CALCR: variants seen among roughly 807,000 people sequenced by gnomAD.
The protein encoded by CALCR is calcitonin receptor.
In CALCR, 47 loss-of-function variants were observed where a neutral mutation model predicts 59.5. The observed-to-expected ratio is 0.79, with a 90% confidence interval of 0.63 to 1.01. The LOEUF (loss-of-function observed/expected upper bound fraction) is 1.01. CALCR is among the 50% of genes least tolerant of loss of function. CALCR has a pLI of 0.00. For synonymous variants in CALCR, 213 were observed against 211.3 expected, an observed-to-expected ratio of 1.01 and a Z score of -0.07; for missense variants, 566 against 597.1, an observed-to-expected ratio of 0.95 and a Z score of 0.54.
intron 2 of CALCR, among the ~76,000 whole-genome samples, chr7:93,564,409 C>A (rs1789812666): frequency 6.6e-6 from 1 of 151,968 alleles, no homozygotes; most frequent in Non-Finnish European, 1.5e-5. Context: ...GGAATAAAGA[C>A]TCAAACACAT....
Position 93,426,182 on chromosome 7 carries a change from C to A in CALCR, c.*174G>T. ...GAGACTCCATTCCTAGACTGTCTCC[C>A]AAAGCAACAGTACCAAGAATAACTT... is the stretch of plus-strand genomic sequence containing the variant. On this transcript the variant is annotated 3_prime_UTR_variant, in exon 14 of 14. Coordinates refer to ENST00000426151, the MANE Select transcript of CALCR (RefSeq NM_001742.4). The A allele has an allele frequency of 1.8e-6, 1 of 563,298 alleles. No homozygotes were observed. Among genetic ancestry groups the A allele is most frequent in the Admixed American group, 3.1e-5 (1 of 31,746 alleles). The allele number at this position is 563,298 out of a possible 1,614,324, so 34.9% of individuals were successfully genotyped here. A position where few individuals can be genotyped will look rare whatever the true frequency, so the allele number is the denominator to read the frequency against.
At chr7:93,529,029 C>T (rs1243473308) in intron 2 of CALCR, among the ~76,000 whole-genome samples, 2 of 152,154 alleles carry the variant, frequency 1.3e-5, no homozygotes, top group Non-Finnish European at 2.9e-5. Flanking sequence ...ATATTGCATG[C>T]ATTCGTGCAT....
chr7:93,427,612 T>C (rs1236472020), intron 13 of CALCR, among the ~76,000 whole-genome samples: 1 of 152,202 alleles, frequency 6.6e-6, no homozygotes, highest in Non-Finnish European at 1.5e-5. Context: ...ATCATGTAAC[T>C]ACTTGATCAT....
rs10251727 is a variant in CALCR at position 93,468,883 on chromosome 7, A to C, written c.430-77T>G. On this transcript the variant is annotated intron_variant, in intron 6 of 13. Coordinates refer to ENST00000426151, the MANE Select transcript of CALCR (RefSeq NM_001742.4). The stretch of plus-strand genomic sequence containing the variant: ...GAGAAAATCATTTCTATTTCTAAAT[A>C]TATGTAAATCAACAAATGTTTTCCT... The C allele has an allele frequency of 0.014, 10,857 of 749,630 alleles. 928 individuals are homozygous for C. In the African/African-American group the frequency reaches 0.18, roughly 12 times the overall value. 46.4% of individuals were successfully genotyped at this position (749,630 alleles called of 1,614,324 possible). A position where few individuals can be genotyped will look rare whatever the true frequency, so the allele number is the denominator to read the frequency against.
chr7:93,534,198 T>C (rs1435757421), intron 2 of CALCR, among the ~76,000 whole-genome samples: 1 of 151,860 alleles, frequency 6.6e-6, no homozygotes, highest in Non-Finnish European at 1.5e-5. Context: ...CATAACAGTC[T>C]AATATTTACA....
intron 2 of CALCR, among the ~76,000 whole-genome samples, chr7:93,501,841 C>G (rs1336389187): frequency 6.6e-6 from 1 of 152,092 alleles, no homozygotes; most frequent in African/African-American, 2.4e-5. Context: ...ACAATAGCTT[C>G]TCCAACTGAC....
chr7:93,492,377 A>C (rs1055701753), intron 2 of CALCR, among the ~76,000 whole-genome samples: 1 of 151,432 alleles, frequency 6.6e-6, no homozygotes, highest in African/African-American at 2.4e-5. Flanking sequence ...AAAAGTATTT[A>C]CAGATTTTTC....
intron 8 of CALCR, among the ~76,000 whole-genome samples, chr7:93,454,184 A>C (rs192535083): frequency 1.5e-4 from 23 of 152,042 alleles, no homozygotes; most frequent in Non-Finnish European, 1.8e-4. Flanking sequence ...GCAGGAGTCC[A>C]GTTTCCACCC....
At chr7:93,429,865 AAC>A (rs1491064550) in intron 13 of CALCR, among the ~76,000 whole-genome samples, 1 of 151,686 alleles carries the variant, frequency 6.6e-6, no homozygotes, top group African/African-American at 2.4e-5. Context: ...AAAAAAAAAA[AAC>A]ACTTTAAATT....
intron 13 of CALCR, among the ~76,000 whole-genome samples, 178 bp downstream of exon 13, chr7:93,434,075 A>G (rs773000015): frequency 6.6e-5 from 10 of 152,240 alleles, no homozygotes; most frequent in Non-Finnish European, 1.0e-4. Context: ...CCATTGTACT[A>G]CACATCCATG....
At chr7:93,434,155 G>T in intron 13 of CALCR, 98 bp downstream of exon 13, 2 of 853,162 alleles carry the variant, frequency 2.3e-6, no homozygotes, top group Non-Finnish European at 4.1e-6. Context: ...GAGGTCAACT[G>T]TAGAAGTGAG....
In CALCR at chr7:93,472,451, CA is replaced by C; in HGVS notation, c.352del (p.Trp118GlyfsTer25). On this transcript the variant is annotated frameshift_variant, in exon 6 of 14. Coordinates refer to ENST00000426151, the MANE Select transcript of CALCR (RefSeq NM_001742.4). LOFTEE classifies it high-confidence loss of function. ...TCGATTGTTTTCAGGATGTTTAAAC[CA>C]AACACCTTTTTCATCACAGTATTTT... ...VTKYCDEKGV[W>X]FKHPENNRTW... 1.2e-6 allele frequency: 2 copies of C among 1,608,816 alleles called. No homozygotes were observed. Among genetic ancestry groups the C allele is most frequent in the Non-Finnish European group, 1.7e-6 (2 of 1,176,194 alleles).
intron 2 of CALCR, among the ~76,000 whole-genome samples, chr7:93,568,017 T>C (rs1046667000): frequency 6.6e-5 from 10 of 152,126 alleles, no homozygotes; most frequent in Non-Finnish European, 4.4e-5. Flanking sequence ...AATAAAGAGA[T>C]TAAGAAAATT....
intron 5 of CALCR, among the ~76,000 whole-genome samples, chr7:93,476,925 C>T (rs2188806): frequency 0.39 from 59,297 of 151,776 alleles, 12,465 homozygotes; most frequent in South Asian, 0.49. Flanking sequence ...CTGGCCTGCA[C>T]TGGTTTTAAA....
chr7:93,443,829 T>A (rs536171395), intron 8 of CALCR, 72 bp from the exon 9 acceptor site: 28 of 1,382,280 alleles, frequency 2.0e-5, no homozygotes, highest in Non-Finnish European at 2.4e-5. Context: ...AGAGCAAATG[T>A]GAAAACAAGC....
At chr7:93,527,702 T>C (rs1473182050) in intron 2 of CALCR, among the ~76,000 whole-genome samples, 1 of 152,154 alleles carries the variant, frequency 6.6e-6, no homozygotes, top group Non-Finnish European at 1.5e-5. Flanking sequence ...GCATATAAGC[T>C]TCTAAGACAA....
At chr7:93,446,389 T>A (rs1004929460) in intron 8 of CALCR, among the ~76,000 whole-genome samples, 73 of 152,030 alleles carry the variant, frequency 4.8e-4, no homozygotes, top group Non-Finnish European at 1.0e-4. Flanking sequence ...CACCTGATAA[T>A]TTTTTAAGAA....
intron 2 of CALCR, among the ~76,000 whole-genome samples, chr7:93,540,822 G>A (rs2116178944): frequency 6.7e-6 from 1 of 149,342 alleles, no homozygotes; most frequent in East Asian, 2.0e-4. Flanking sequence ...TTATATTTAA[G>A]TGGTAGAAAC....
chr7:93,574,001 G>C (rs971382895), intron 2 of CALCR, among the ~76,000 whole-genome samples: 2 of 152,208 alleles, frequency 1.3e-5, no homozygotes, highest in Non-Finnish European at 2.9e-5. Flanking sequence ...AAACTTTTGA[G>C]GGAAAATTGA....
Sources: gnomAD v4.1 joint callset for allele counts (sites outside exome capture counted in the v4.1 genomes callset) on GRCh38, gnomAD v4.1.1 for gene constraint, MANE v1.5 for transcripts, NCBI Gene and HGNC (gene_info 2026-07-23, HGNC 2026-07-21) for gene names.